CUL9: variants seen among roughly 807,000 people sequenced by gnomAD.
CUL9 encodes cullin-9.
CUL9 carries 79 observed loss-of-function variants against 272.6 expected under a neutral mutation model. That is an observed-to-expected ratio of 0.29 (90% CI 0.24 to 0.35). The LOEUF is 0.35. CUL9 is among the 10% of genes least tolerant of loss of function. CUL9 has a pLI of 1.00. For missense variants in CUL9, 2,532 were observed against 3,255.6 expected, an observed-to-expected ratio of 0.78 and a Z score of 5.41; for synonymous variants, 1,186 against 1,286.5, an observed-to-expected ratio of 0.92 and a Z score of 1.67.
rs1562067451 is a variant in CUL9, at chr6:43,223,464, A to G, written c.7284+67A>G. The G allele has an allele frequency of 6.6e-7, 1 of 1,517,266 alleles. No homozygotes were observed. Among genetic ancestry groups the G allele is most frequent in the East Asian group, 2.4e-5 (1 of 41,508 alleles). The allele number at this position is 1,517,266 out of a possible 1,614,324, so 94.0% of individuals were successfully genotyped here. On this transcript the variant is annotated intron_variant, in intron 39 of 40. Coordinates refer to ENST00000252050, the MANE Select transcript of CUL9 (RefSeq NM_015089.4). This position sits in a 1 kb window ranked among gnomAD's most constrained non-coding sequence, Gnocchi z 4.1. ...GGAGTTGAGGTCCTCCTGTCCCAGC[A>G]CAGCCCCTGCCCTGGGGCGAGTCCA... is the stretch of plus-strand genomic sequence containing the variant.
In CUL9 at chr6:43,216,575, T is replaced by G. The variant is rs566584431; in HGVS notation, c.6282+72T>G. 2.9e-5 allele frequency: 41 copies of G among 1,407,720 alleles called. No individual in the cohort carries two copies. The African/African-American group carries it at 5.6e-4, about 19-fold the overall frequency. 87.2% of individuals were successfully genotyped at this position (1,407,720 alleles called of 1,614,324 possible). A position where few individuals can be genotyped will look rare whatever the true frequency, so the allele number is the denominator to read the frequency against. On this transcript the variant is annotated intron_variant, in intron 31 of 40. Coordinates refer to ENST00000252050, the MANE Select transcript of CUL9 (RefSeq NM_015089.4). ...CCTAACAAAATTCCTTGGGAATTCT[T>G]GGGTTCTAGCCCAGCACTGCCATTT... is the stretch of plus-strand genomic sequence containing the variant.
In CUL9 at chr6:43,221,129, T is replaced by C; in HGVS notation, c.6589-29T>C. ...AGCCATGCTGCCCTCACGGCTCAGC[T>C]GTGTCCCCACCATGCCCTCTTGCCT... On this transcript the variant is annotated intron_variant, in intron 33 of 40. Transcript: ENST00000252050. The surrounding 1 kb of genome is among the most constrained non-coding windows in gnomAD (Gnocchi z 4.2). The C allele has an allele frequency of 6.2e-7, 1 of 1,607,096 alleles. No homozygotes were observed. Among genetic ancestry groups the C allele is most frequent in the African/African-American group, 1.3e-5 (1 of 74,870 alleles).
Position 43,200,490 on chromosome 6 carries a change from C to A in CUL9, c.3439C>A (p.Pro1147Thr). 1 of 1,614,154 alleles carries A rather than the reference C, an allele frequency of 6.2e-7. No homozygotes were observed. Residue 1147 changes from proline to threonine, a missense_variant, in exon 15 of 41, where the codon CCC (proline) becomes ACC (threonine). Pro to Thr is a conservative substitution (Grantham distance 38). This residue lies in a region of CUL9 where 2,218 missense variants were observed against 2,788.6 expected (regional missense o/e 0.80). Coordinates refer to ENST00000252050, the MANE Select transcript of CUL9 (RefSeq NM_015089.4). The surrounding 1 kb of genome is among the most constrained non-coding windows in gnomAD (Gnocchi z 4.0). Reference protein sequence around the residue: ...HRRTHQPINIPFFDVFLRHLC... With the variant: ...HRRTHQPINITFFDVFLRHLC... ...ACGAACCCACCAACCCATCAATATC[C>A]CCTTCTTTGATGTGTTCCTCAGGCA...
At position 43,222,776 on chromosome 6, in the gene CUL9, C is replaced by T. The variant is rs1776481354; in HGVS notation, c.7033-3C>T. Reference sequence around the variant, plus strand: ...GCGGGAGAGCTGATGGGAGCCCCTGCAGGTGCTGGCCTACGCCTGCGTGTA... The same window carrying T: ...GCGGGAGAGCTGATGGGAGCCCCTGTAGGTGCTGGCCTACGCCTGCGTGTA... On this transcript the variant is annotated splice_polypyrimidine_tract_variant and splice_region_variant and intron_variant, in intron 37 of 40. Coordinates refer to ENST00000252050, the MANE Select transcript of CUL9 (RefSeq NM_015089.4). 1.2e-6 allele frequency: 2 copies of T among 1,613,236 alleles called. No individual in the cohort carries two copies. Among genetic ancestry groups the T allele is most frequent in the East Asian group, 4.5e-5 (2 of 44,892 alleles).
At position 43,203,828 on chromosome 6, in the gene CUL9, C is replaced by T; in HGVS notation, c.4026-26C>T. 1.3e-6 allele frequency: 2 copies of T among 1,578,554 alleles called. No homozygotes were observed. Among genetic ancestry groups the T allele is most frequent in the South Asian group, 1.1e-5 (1 of 87,186 alleles). On this transcript the variant is annotated intron_variant, in intron 19 of 40. Transcript: ENST00000252050. The surrounding 1 kb of genome is among the most constrained non-coding windows in gnomAD (Gnocchi z 5.0). The stretch of plus-strand genomic sequence containing the variant: ...CTCTGGGAAATCGGTGCCATTAATC[C>T]TCCGCCATGCACTGTTTGTTCCCAG...
At position 43,203,972 on chromosome 6, in the gene CUL9, A is replaced by C; in HGVS notation, c.4144A>C (p.Asn1382His). The C allele has an allele frequency of 6.2e-7, 1 of 1,602,932 alleles. No homozygotes were observed. Among genetic ancestry groups the C allele is most frequent in the South Asian group, 1.1e-5 (1 of 90,488 alleles). ...WEALVSPLVQ[N>H]ITSPDAEGVS... ...GGCCCTGGTCAGCCCCCTGGTGCAG[A>C]ACATCACCTCTCCCGGTAACCATGC... Residue 1382 changes from asparagine to histidine, a missense_variant, in exon 20 of 41, where the codon AAC becomes CAC. Coordinates refer to ENST00000252050, the MANE Select transcript of CUL9 (RefSeq NM_015089.4). This position sits in a 1 kb window ranked among gnomAD's most constrained non-coding sequence, Gnocchi z 5.0.
At chr6:43,189,137 CT>C (rs11453991) in intron 8 of CUL9, among the ~76,000 whole-genome samples, 209 of 145,376 alleles carry the variant, frequency 1.4e-3, no homozygotes, top group Middle Eastern at 7.2e-3. Context: ...TCCCTACGTA[CT>C]TTTTTTTTTT....
intron 1 of CUL9, among the ~76,000 whole-genome samples, chr6:43,183,557 AC>A (rs1446321289): frequency 6.6e-6 from 1 of 151,866 alleles, no homozygotes; most frequent in Non-Finnish European, 1.5e-5. Flanking sequence ...CTTCCTGTCC[AC>A]CCATGTCATT....
At chr6:43,198,444 T>G (rs1774206320) in intron 11 of CUL9, 165 bp from the exon 12 acceptor site, 5 of 985,186 alleles carry the variant, frequency 5.1e-6, no homozygotes, top group Non-Finnish European at 6.0e-6. Flanking sequence ...AGGTTTGTAT[T>G]TGGGGTCAGG....
chr6:43,198,977 C>T (rs1196715252), intron 12 of CUL9, 122 bp downstream of exon 12: 4 of 1,314,414 alleles, frequency 3.0e-6, no homozygotes, highest in Non-Finnish European at 4.1e-6. Context: ...ACTCTTGTTG[C>T]CCAGGCTGGA....
chr6:43,208,212 AT>A (rs1406077368), intron 26 of CUL9, among the ~76,000 whole-genome samples: 1 of 151,942 alleles, frequency 6.6e-6, no homozygotes, highest in Non-Finnish European at 1.5e-5. Context: ...TTTTATTTTA[AT>A]TTTTTTGAGA....
chr6:43,201,307 A>C (rs1180458197), intron 16 of CUL9, among the ~76,000 whole-genome samples: 1 of 152,070 alleles, frequency 6.6e-6, no homozygotes, highest in African/African-American at 2.4e-5. Flanking sequence ...TTCCTTCTGG[A>C]AGGAGGGGGT....
intron 36 of CUL9, 55 bp from the exon 37 acceptor site, chr6:43,222,476 G>C: frequency 3.7e-6 from 6 of 1,604,976 alleles, no homozygotes; most frequent in East Asian, 2.2e-5. Context: ...AGGTCTGACC[G>C]GGCAGGTGGT....
At position 43,199,432 on chromosome 6, in the gene CUL9, G is replaced by A. The variant is rs1322419692; in HGVS notation, c.3156+61G>A. On this transcript the variant is annotated intron_variant, in intron 13 of 40. Transcript: ENST00000252050. This position sits in a 1 kb window ranked among gnomAD's most constrained non-coding sequence, Gnocchi z 4.4. Reference sequence around the variant, plus strand: ...GCAGCATCTGGGGCACCAACTCCTTGTGAGGCTCTGGAGGGCACAGCAGAG... The same window carrying A: ...GCAGCATCTGGGGCACCAACTCCTTATGAGGCTCTGGAGGGCACAGCAGAG... 7.4e-7 allele frequency: 1 copy of A among 1,343,486 alleles called. No homozygotes were observed. The highest frequency in any genetic ancestry group is 1.2e-5 in the South Asian group (1 of 85,246). The allele number at this position is 1,343,486 out of a possible 1,614,324, so 83.2% of individuals were successfully genotyped here.
chr6:43,200,233 T>C lies in CUL9; in HGVS notation c.3384+77T>C. The stretch of plus-strand genomic sequence containing the variant: ...AGAAGGGGATTCACTGTGTTCCTCT[T>C]TGGTATCCCTGTTTGGCACAGGTTG... On this transcript the variant is annotated intron_variant, in intron 14 of 40. Transcript: ENST00000252050. The surrounding 1 kb of genome is among the most constrained non-coding windows in gnomAD (Gnocchi z 4.0). The C allele has an allele frequency of 6.8e-7, 1 of 1,479,838 alleles. No homozygotes were observed. The highest frequency in any genetic ancestry group is 9.3e-7 in the Non-Finnish European group (1 of 1,075,648). 91.7% of individuals were successfully genotyped at this position (1,479,838 alleles called of 1,614,324 possible). A position where few individuals can be genotyped will look rare whatever the true frequency, so the allele number is the denominator to read the frequency against.
rs558820727 is a variant in CUL9, at chr6:43,184,970, G to A, written c.595+65G>A. On this transcript the variant is annotated intron_variant, in intron 2 of 40. Transcript: ENST00000252050. This position sits in a 1 kb window ranked among gnomAD's most constrained non-coding sequence, Gnocchi z 4.8. ...ATGGGGCCACAGGGAATAAGAAAGA[G>A]GAGAGATTTCCTAGCTCTGTAAGAA... 7.9e-7 allele frequency: 1 copy of A among 1,266,784 alleles called. No individual in the cohort carries two copies. Among genetic ancestry groups the A allele is most frequent in the Non-Finnish European group, 1.1e-6 (1 of 925,398 alleles). The allele number at this position is 1,266,784 out of a possible 1,614,324, so 78.5% of individuals were successfully genotyped here. A position where few individuals can be genotyped will look rare whatever the true frequency, so the allele number is the denominator to read the frequency against.
chr6:43,205,216 C>T (rs1774954160), intron 23 of CUL9, 47 bp from the exon 24 acceptor site: 6 of 1,602,732 alleles, frequency 3.7e-6, no homozygotes, highest in Non-Finnish European at 5.1e-6. Flanking sequence ...GTCTCCTACT[C>T]CACTCCCTCA....
chr6:43,183,893 C>T (rs1040726947), intron 1 of CUL9, among the ~76,000 whole-genome samples: 16 of 152,106 alleles, frequency 1.1e-4, no homozygotes, highest in Admixed American at 2.0e-4. Context: ...GCTGGGACTA[C>T]GGGCATGTGC....
In CUL9 at chr6:43,223,027, T is replaced by G; in HGVS notation, c.7150+131T>G. 1 of 911,040 alleles carries G rather than the reference T, an allele frequency of 1.1e-6. No homozygotes were observed. The highest frequency in any genetic ancestry group is 1.7e-6 in the Non-Finnish European group (1 of 587,402). The allele number at this position is 911,040 out of a possible 1,614,324, so 56.4% of individuals were successfully genotyped here. On this transcript the variant is annotated intron_variant, in intron 38 of 40. Coordinates refer to ENST00000252050, the MANE Select transcript of CUL9 (RefSeq NM_015089.4). This position sits in a 1 kb window ranked among gnomAD's most constrained non-coding sequence, Gnocchi z 4.1. The stretch of plus-strand genomic sequence containing the variant: ...CTCTTCCTCTTCATTCTTCATGGCC[T>G]TCTCACTGCCTGGCTGTTAAAGCTC...
Sources: allele counts gnomAD v4.1 joint callset (sites outside exome capture counted in the v4.1 genomes callset), GRCh38; gene constraint gnomAD v4.1.1; regional missense constraint gnomAD v4.1.1; non-coding constraint Gnocchi (gnomAD v3.1); transcripts MANE v1.5; gene names NCBI Gene and HGNC (gene_info 2026-07-23, HGNC 2026-07-21).